NOX4: variants seen among roughly 807,000 people sequenced by gnomAD.
The protein encoded by NOX4 is kidney oxidase-1.
NOX4 carries 69 observed loss-of-function variants against 87.6 expected under a neutral mutation model. That is an observed-to-expected ratio of 0.79 (90% confidence interval 0.65 to 0.96). The LOEUF is 0.96. NOX4 is among the 40% of genes least tolerant of loss of function. The pLI, the probability that NOX4 is intolerant of heterozygous loss-of-function variation, is 0.00. For synonymous variants in NOX4, 275 were observed against 238.2 expected, an observed-to-expected ratio of 1.15 and a Z score of -1.42; for missense variants, 680 against 681.5, an observed-to-expected ratio of 1.00 and a Z score of 0.02.
intron 12 of NOX4, among the ~76,000 whole-genome samples, chr11:89,360,979 G>A (rs1938479917): frequency 6.6e-6 from 1 of 152,020 alleles, no homozygotes; most frequent in Admixed American, 6.6e-5. Context: ...GGTAAAAAGG[G>A]AACACTTTTA....
intron 2 of NOX4, among the ~76,000 whole-genome samples, chr11:89,470,671 T>G (rs1945892748): frequency 6.6e-6 from 1 of 152,140 alleles, no homozygotes; most frequent in African/African-American, 2.4e-5. Context: ...AAGAAAAGTT[T>G]CAAAGCCACT....
At chr11:89,389,009 G>C (rs985645666) in intron 11 of NOX4, among the ~76,000 whole-genome samples, 1 of 152,172 alleles carries the variant, frequency 6.6e-6, no homozygotes, top group Admixed American at 6.6e-5. Context: ...CATGTCCACA[G>C]TCATAATACT....
chr11:89,403,113 C>A (rs1384920794), intron 8 of NOX4, among the ~76,000 whole-genome samples: 6 of 152,056 alleles, frequency 3.9e-5, no homozygotes, highest in Non-Finnish European at 7.4e-5. Context: ...TCAATTTCTC[C>A]ATAGACAGAA....
At position 89,469,667 on chromosome 11, in the gene NOX4, T is replaced by C. The variant is rs151291231; in HGVS notation, c.154-17772A>G. Among the ~76,000 whole-genome samples the C allele has an allele frequency of 1.9e-3, 291 of 152,308 alleles. 1 individual carries two copies. Among genetic ancestry groups the C allele is most frequent in the African/African-American group, 5.8e-3 (243 of 41,560 alleles). On this transcript the variant is annotated intron_variant, in intron 2 of 17. Coordinates refer to ENST00000263317, the MANE Select transcript of NOX4 (RefSeq NM_016931.5). ...GTCTCCTCTTCATGGTCTGTGTCAC[T>C]TCCCTTGCAATGCATCACTCCCCAG... is the stretch of plus-strand genomic sequence containing the variant.
chr11:89,376,784 A>G (rs1939875198), intron 11 of NOX4, among the ~76,000 whole-genome samples: 1 of 152,176 alleles, frequency 6.6e-6, no homozygotes, highest in African/African-American at 2.4e-5. Context: ...CGGGAGGCTG[A>G]GGCAGGAGAA....
chr11:89,521,061 AC>A, the NOX4 span, among the ~76,000 whole-genome samples: 1 of 152,166 alleles, frequency 6.6e-6, no homozygotes, highest in Non-Finnish European at 1.5e-5. Context: ...AAATGGAAAA[AC>A]ATTTCATGCC....
intron 12 of NOX4, 135 bp from the exon 13 acceptor site, chr11:89,355,178 C>T (rs1189573211): frequency 5.0e-6 from 3 of 604,196 alleles, no homozygotes; most frequent in Non-Finnish European, 8.7e-6. Flanking sequence ...AGAAATTTAC[C>T]CACCATTTTA....
At chr11:89,466,160 T>C (rs1005098769) in intron 2 of NOX4, among the ~76,000 whole-genome samples, 2 of 152,300 alleles carry the variant, frequency 1.3e-5, no homozygotes, top group Non-Finnish European at 2.9e-5. Flanking sequence ...GTTTGTTGTT[T>C]AAGCTGCCTA....
At chr11:89,448,508 A>T (rs367983087) in intron 4 of NOX4, among the ~76,000 whole-genome samples, 1 of 152,226 alleles carries the variant, frequency 6.6e-6, no homozygotes, top group Non-Finnish European at 1.5e-5. Context: ...TTTCTACCAA[A>T]TATTAATATC....
At chr11:89,413,911 T>C (rs1452344725) in intron 8 of NOX4, among the ~76,000 whole-genome samples, 1 of 152,090 alleles carries the variant, frequency 6.6e-6, no homozygotes, top group Non-Finnish European at 1.5e-5. Flanking sequence ...CTACTATGTA[T>C]TCATAAAAAT....
chr11:89,345,577 T>G (rs1431287263), intron 13 of NOX4, among the ~76,000 whole-genome samples: 1 of 152,178 alleles, frequency 6.6e-6, no homozygotes, highest in African/African-American at 2.4e-5. Flanking sequence ...TTTCAATCCC[T>G]GCACCTTTCC....
chr11:89,446,064 A>G (rs1281486722), intron 4 of NOX4, among the ~76,000 whole-genome samples: 4 of 152,152 alleles, frequency 2.6e-5, no homozygotes, highest in African/African-American at 9.7e-5. Flanking sequence ...ACATCTCAAT[A>G]GATACCTCAC....
intron 8 of NOX4, among the ~76,000 whole-genome samples, chr11:89,420,805 A>T (rs1014292936): frequency 6.6e-6 from 1 of 152,216 alleles, no homozygotes; most frequent in Non-Finnish European, 1.5e-5. Flanking sequence ...CTGTGTTACC[A>T]GCAACATTGT....
intron 8 of NOX4, among the ~76,000 whole-genome samples, chr11:89,414,047 T>C (rs1236313202): frequency 1.3e-5 from 2 of 152,096 alleles, no homozygotes; most frequent in Non-Finnish European, 2.9e-5. Context: ...TCTCTTCTAA[T>C]AGGTCTGGGA....
intron 5 of NOX4, among the ~76,000 whole-genome samples, chr11:89,442,088 T>C (rs1326336831): frequency 6.7e-6 from 1 of 150,348 alleles, no homozygotes; most frequent in African/African-American, 2.4e-5. Context: ...TTCATCTACA[T>C]CTAATGCATG....
intron 13 of NOX4, among the ~76,000 whole-genome samples, chr11:89,349,620 C>T (rs559624812): frequency 5.3e-5 from 8 of 152,130 alleles, no homozygotes; most frequent in South Asian, 4.1e-4. Context: ...CAAACCAAGT[C>T]AAAAAAGAAC....
the NOX4 span, among the ~76,000 whole-genome samples, chr11:89,565,312 C>G: frequency 1.3e-5 from 2 of 152,176 alleles, no homozygotes; most frequent in African/African-American, 2.4e-5. Flanking sequence ...TTGTTTACCA[C>G]TGGTTTATAC....
intron 6 of NOX4, among the ~76,000 whole-genome samples, chr11:89,438,872 TATAATATATAATATATTATATATTA>T (rs1944298083): frequency 1.1e-4 from 6 of 52,310 alleles, no homozygotes; most frequent in Non-Finnish European, 8.5e-5. Context: ...ATATTATATA[TATAATATATAATATATTATATATTA>T]TATATATAAT....
chr11:89,435,858 T>C (rs1479314268), intron 6 of NOX4, among the ~76,000 whole-genome samples: 4 of 152,138 alleles, frequency 2.6e-5, no homozygotes, highest in Non-Finnish European at 5.9e-5. Flanking sequence ...TATAAAGTTA[T>C]CTCTTTTATC....
Sources: allele counts gnomAD v4.1 joint callset (sites outside exome capture counted in the v4.1 genomes callset), GRCh38; gene constraint gnomAD v4.1.1; transcripts MANE v1.5; gene names NCBI Gene and HGNC (gene_info 2026-07-23, HGNC 2026-07-21).